The following USP3 variants were observed in gnomAD, a reference collection of about 807,000 sequenced individuals.
USP3 encodes the protein ubiquitin carboxyl-terminal hydrolase 3.
A neutral mutation model predicts 72.3 loss-of-function variants in USP3; 20 were observed. That is an observed-to-expected ratio of 0.28 (90% confidence interval 0.19 to 0.40). USP3 has a LOEUF of 0.40. Ranked by LOEUF, USP3 falls within the 10% of genes least tolerant of loss-of-function variation. USP3 has a pLI of 1.00. For missense variants in USP3, 479 were observed against 633.9 expected, an observed-to-expected ratio of 0.76 and a Z score of 2.62; for synonymous variants, 222 against 225.3, an observed-to-expected ratio of 0.99 and a Z score of 0.13.
Position 63,590,938 on chromosome 15 carries a change from G to C in USP3, c.*112G>C. 3.7e-6 allele frequency: 5 copies of C among 1,347,466 alleles called. No individual in the cohort carries two copies. The highest frequency in any genetic ancestry group is 4.9e-6 in the Non-Finnish European group (5 of 1,028,310). The allele number at this position is 1,347,466 out of a possible 1,614,324, so 83.5% of individuals were successfully genotyped here. ...TATGCACTTTTCAATTTCCTATTTTGGATTTAGTTTTGTCAATGGTAGTGA... is the reference window on the plus strand; with the variant it reads ...TATGCACTTTTCAATTTCCTATTTTCGATTTAGTTTTGTCAATGGTAGTGA... On this transcript the variant is annotated 3_prime_UTR_variant, in exon 15 of 15. Coordinates refer to ENST00000380324, the MANE Select transcript of USP3 (RefSeq NM_006537.4).
chr15:63,507,077 C>T (rs1403774190), intron 1 of USP3, among the ~76,000 whole-genome samples: 1 of 151,916 alleles, frequency 6.6e-6, no homozygotes, highest in African/African-American at 2.4e-5. Context: ...TTTTTTTTCT[C>T]CCACACTCTT....
intron 11 of USP3, among the ~76,000 whole-genome samples, chr15:63,577,977 A>G (rs2066893101): frequency 6.6e-6 from 1 of 151,736 alleles, no homozygotes; most frequent in East Asian, 1.9e-4. Flanking sequence ...AATCCCAAAT[A>G]TATTACTGAT....
At chr15:63,545,401 A>G (rs979233223) in intron 3 of USP3, among the ~76,000 whole-genome samples, 4 of 152,278 alleles carry the variant, frequency 2.6e-5, no homozygotes, top group African/African-American at 9.6e-5. Flanking sequence ...CTACTTTATG[A>G]TCACATTTGG....
At chr15:63,563,875 G>C (rs1190993991) in intron 8 of USP3, among the ~76,000 whole-genome samples, 2 of 152,120 alleles carry the variant, frequency 1.3e-5, no homozygotes, top group Non-Finnish European at 2.9e-5. Flanking sequence ...AACTTCAAAG[G>C]ACTTTAAATT....
rs960105064 is a variant in USP3, at chr15:63,594,543, G to A, written c.*3717G>A. 6.6e-6 allele frequency: 1 copy of A among 152,174 alleles called. No homozygotes were observed. Among genetic ancestry groups the A allele is most frequent in the Non-Finnish European group, 1.5e-5 (1 of 68,038 alleles). The allele number at this position is 152,174 out of a possible 1,614,324, so 9.4% of individuals were successfully genotyped here. ...TGCCAAGAGGATTAATTGTGCAAGT[G>A]ACTGATTCATTTAAATTGTAATCAC... On this transcript the variant is annotated 3_prime_UTR_variant, in exon 15 of 15. Coordinates refer to ENST00000380324, the MANE Select transcript of USP3 (RefSeq NM_006537.4).
At position 63,574,494 on chromosome 15, in the gene USP3, A is replaced by C; in HGVS notation, c.1096+91A>C. On this transcript the variant is annotated intron_variant, in intron 11 of 14. Coordinates refer to ENST00000380324, the MANE Select transcript of USP3 (RefSeq NM_006537.4). The surrounding 1 kb of genome is among the most constrained non-coding windows in gnomAD (Gnocchi z 4.6). ...TCTATATGTGGTATCTTTAATTAAT[A>C]TCTTTAATGAATCTGTGTTGTAACT... The C allele has an allele frequency of 1.1e-6, 1 of 937,062 alleles. No homozygotes were observed. The highest frequency in any genetic ancestry group is 3.3e-5 in the Admixed American group (1 of 30,310). 58.0% of individuals were successfully genotyped at this position (937,062 alleles called of 1,614,324 possible).
intron 8 of USP3, among the ~76,000 whole-genome samples, chr15:63,569,829 A>C (rs1245523008): frequency 6.6e-6 from 1 of 152,244 alleles, no homozygotes; most frequent in East Asian, 1.9e-4. Flanking sequence ...AAGTTTTAGG[A>C]TAGAGCATAA....
At chr15:63,578,407 A>AT (rs2066900144) in intron 11 of USP3, among the ~76,000 whole-genome samples, 1 of 151,812 alleles carries the variant, frequency 6.6e-6, no homozygotes, top group Non-Finnish European at 1.5e-5. Flanking sequence ...GATAGAGACC[A>AT]TCCTGGCTAA....
intron 1 of USP3, among the ~76,000 whole-genome samples, chr15:63,524,804 C>T (rs1264532225): frequency 6.6e-6 from 1 of 152,130 alleles, no homozygotes; most frequent in Non-Finnish European, 1.5e-5. Context: ...CAAGAGGGAG[C>T]TGTGGATTTC....
chr15:63,522,637 G>A (rs2065935025), intron 1 of USP3, among the ~76,000 whole-genome samples: 1 of 152,080 alleles, frequency 6.6e-6, no homozygotes, highest in Admixed American at 6.5e-5. Context: ...TCTTAAATCT[G>A]GTGTGATATG....
chr15:63,571,823 A>C (rs2066783229), intron 9 of USP3, among the ~76,000 whole-genome samples: 1 of 152,204 alleles, frequency 6.6e-6, no homozygotes, highest in Admixed American at 6.5e-5. Context: ...AAGTTTTATT[A>C]CTGAGTTAGG....
At chr15:63,508,308 A>G (rs1221179981) in intron 1 of USP3, among the ~76,000 whole-genome samples, 1 of 152,178 alleles carries the variant, frequency 6.6e-6, no homozygotes, top group African/African-American at 2.4e-5. Flanking sequence ...CCTTAAGGCT[A>G]CCAACGTTTA....
chr15:63,514,291 C>A (rs1342224527), intron 1 of USP3, among the ~76,000 whole-genome samples: 1 of 151,482 alleles, frequency 6.6e-6, no homozygotes, highest in Admixed American at 6.6e-5. Context: ...AAATGTGGGT[C>A]ATGTTTGAAA....
intron 11 of USP3, among the ~76,000 whole-genome samples, chr15:63,584,092 G>GTTTTTTTTTTTTTTTTTTTTTTTT (rs61574200): frequency 1.2e-5 from 1 of 85,598 alleles, no homozygotes; most frequent in Non-Finnish European, 2.2e-5. Context: ...CAACGGTTTT[G>GTTTTTTTTTTTTTTTTTTTTTTTT]TTTTTTTTTT....
At chr15:63,584,765 TA>T (rs1460119937) in intron 11 of USP3, among the ~76,000 whole-genome samples, 2 of 152,228 alleles carry the variant, frequency 1.3e-5, no homozygotes, top group Non-Finnish European at 2.9e-5. Context: ...TTAATTTTGA[TA>T]AAGTTCAGCT....
chr15:63,584,273 A>G (rs1006802807), intron 11 of USP3, among the ~76,000 whole-genome samples: 3 of 151,124 alleles, frequency 2.0e-5, no homozygotes, highest in Non-Finnish European at 4.4e-5. Flanking sequence ...AATTTTTTGT[A>G]TTTTTAGTAG....
At chr15:63,555,338 C>T (rs1047040509) in intron 4 of USP3, among the ~76,000 whole-genome samples, 14 of 152,168 alleles carry the variant, frequency 9.2e-5, no homozygotes, top group African/African-American at 3.4e-4. Flanking sequence ...TCCGCATGCC[C>T]CGTGGAGCAG....
chr15:63,546,062 AT>A (rs1385666571), intron 3 of USP3, among the ~76,000 whole-genome samples: 5 of 151,734 alleles, frequency 3.3e-5, no homozygotes, highest in Middle Eastern at 3.2e-3. Context: ...TTAGGTATAA[AT>A]TTTATAGCCT....
At chr15:63,510,976 C>T (rs1435916971) in intron 1 of USP3, among the ~76,000 whole-genome samples, 1 of 151,972 alleles carries the variant, frequency 6.6e-6, no homozygotes, top group Admixed American at 6.6e-5. Flanking sequence ...GTCTTTTTAA[C>T]TGCTGTGAGT....
Sources: gnomAD v4.1 joint callset for allele counts (sites outside exome capture counted in the v4.1 genomes callset) on GRCh38, gnomAD v4.1.1 for gene constraint, Gnocchi (gnomAD v3.1) non-coding constraint, MANE v1.5 for transcripts, NCBI Gene and HGNC (gene_info 2026-07-23, HGNC 2026-07-21) for gene names.